The following SAMMSON variants were observed in gnomAD, a reference collection of about 807,000 sequenced individuals.
SAMMSON encodes survival associated mitochondrial melanoma specific oncogenic non-coding RNA.
intron 3 of SAMMSON, among the ~76,000 whole-genome samples, chr3:70,053,644 A>T (rs866525752): frequency 6.6e-6 from 1 of 152,114 alleles, no homozygotes; most frequent in South Asian, 2.1e-4. Context: ...GGATGCATAT[A>T]TATTTTGAGG....
intron 3 of SAMMSON, among the ~76,000 whole-genome samples, chr3:70,022,731 C>A (rs143293562): frequency 6.6e-6 from 1 of 152,164 alleles, no homozygotes; most frequent in East Asian, 1.9e-4. Flanking sequence ...TTCACTGATT[C>A]TCATCAAGTT....
intron 4 of SAMMSON, among the ~76,000 whole-genome samples, chr3:70,212,908 C>T (rs1315688179): frequency 6.6e-6 from 1 of 152,088 alleles, no homozygotes; most frequent in African/African-American, 2.4e-5. Context: ...ATCCTCCCAT[C>T]TCAGTCTCCT....
intron 2 of SAMMSON, among the ~76,000 whole-genome samples, chr3:70,408,075 T>C (rs577533675): frequency 6.6e-6 from 1 of 152,334 alleles, no homozygotes; most frequent in South Asian, 2.1e-4. Flanking sequence ...AGCTCTAGGT[T>C]GGTCTCTTTC....
Position 70,427,490 on chromosome 3 carries a change from A to G in SAMMSON, n.234-35070A>G, listed in dbSNP as rs368056083. On this transcript the variant is annotated intron_variant and non_coding_transcript_variant, in intron 2 of 3. Transcript: ENST00000641053. ...CGCGGTGGCTCACGCCTGTAATCCCAGCACTTTGGGAGGCTGAGATGGGCG... is the reference window on the plus strand; with the variant it reads ...CGCGGTGGCTCACGCCTGTAATCCCGGCACTTTGGGAGGCTGAGATGGGCG... Among the ~76,000 whole-genome samples the G allele has an allele frequency of 2.4e-4, 36 of 152,306 alleles. 1 individual carries two copies. The East Asian group carries it at 5.0e-3, about 21-fold the overall frequency.
chr3:70,276,507 A>C (rs1702028052), intron 6 of SAMMSON, among the ~76,000 whole-genome samples: 1 of 152,204 alleles, frequency 6.6e-6, no homozygotes, highest in African/African-American at 2.4e-5. Context: ...ACGAAATTTT[A>C]AGAATTATGA....
At chr3:70,353,157 C>G (rs1159833483) in intron 7 of SAMMSON, among the ~76,000 whole-genome samples, 2 of 151,890 alleles carry the variant, frequency 1.3e-5, no homozygotes, top group Non-Finnish European at 2.9e-5. Context: ...GATTTACCAT[C>G]AAAATCATGA....
intron 7 of SAMMSON, among the ~76,000 whole-genome samples, chr3:70,345,161 C>G (rs1203336774): frequency 1.3e-5 from 2 of 152,054 alleles, no homozygotes; most frequent in Non-Finnish European, 2.9e-5. Context: ...TAATTTTCTC[C>G]CCTTGCTTAT....
At chr3:70,025,706 A>G (rs1390328871) in intron 3 of SAMMSON, among the ~76,000 whole-genome samples, 1 of 152,208 alleles carries the variant, frequency 6.6e-6, no homozygotes, top group South Asian at 2.1e-4. Context: ...TTGACTCACT[A>G]CAAACTTAAC....
intron 4 of SAMMSON, among the ~76,000 whole-genome samples, chr3:70,086,004 T>C (rs772496960): frequency 1.3e-5 from 2 of 152,256 alleles, no homozygotes; most frequent in Non-Finnish European, 2.9e-5. Context: ...TAGTTGGCTA[T>C]GGGTTTCTTA....
At chr3:70,125,012 A>C (rs1166410402) in intron 4 of SAMMSON, 2 of 683,428 alleles carry the variant, frequency 2.9e-6, no homozygotes, top group Admixed American at 4.8e-5. Flanking sequence ...CTTCCTGTCC[A>C]AGTTGGAAAG....
At chr3:70,025,723 A>G (rs2067034897) in intron 3 of SAMMSON, among the ~76,000 whole-genome samples, 1 of 152,192 alleles carries the variant, frequency 6.6e-6, no homozygotes, top group Non-Finnish European at 1.5e-5. Flanking sequence ...TAACTACAAT[A>G]GCCTTCTGCT....
At chr3:70,130,455 A>G (rs1429862347) in intron 4 of SAMMSON, among the ~76,000 whole-genome samples, 1 of 152,194 alleles carries the variant, frequency 6.6e-6, no homozygotes, top group Non-Finnish European at 1.5e-5. Flanking sequence ...TATACATCCC[A>G]TGCTGTATGC....
At chr3:70,198,030 T>C (rs1701198179) in intron 4 of SAMMSON, among the ~76,000 whole-genome samples, 1 of 152,190 alleles carries the variant, frequency 6.6e-6, no homozygotes. Context: ...AGTTAGAAGA[T>C]GTAGCAGTTC....
chr3:70,144,822 C>T (rs13322990), intron 4 of SAMMSON, among the ~76,000 whole-genome samples: 34,892 of 152,096 alleles, frequency 0.23, 4,429 homozygotes, highest in East Asian at 0.5. Context: ...GTGACTTGCT[C>T]CTCCTTGCCT....
chr3:70,004,853 A>G (rs2066919959), intron 1 of SAMMSON, among the ~76,000 whole-genome samples: 1 of 151,804 alleles, frequency 6.6e-6, no homozygotes, highest in African/African-American at 2.4e-5. Context: ...AAAACAATAC[A>G]TAGAGTTCAT....
intron 7 of SAMMSON, among the ~76,000 whole-genome samples, chr3:70,299,832 G>T (rs908593704): frequency 3.3e-5 from 5 of 151,892 alleles, no homozygotes; most frequent in African/African-American, 1.2e-4. Flanking sequence ...ATATTTTATG[G>T]CTTCCCTTTG....
At chr3:70,243,706 G>C (rs1701681205) in intron 4 of SAMMSON, among the ~76,000 whole-genome samples, 1 of 152,058 alleles carries the variant, frequency 6.6e-6, no homozygotes, top group African/African-American at 2.4e-5. Flanking sequence ...CGTCCCCTGG[G>C]GAGTGAAATC....
At chr3:70,197,104 G>C (rs1336998682) in intron 4 of SAMMSON, 2 of 398,558 alleles carry the variant, frequency 5.0e-6, no homozygotes, top group East Asian at 7.1e-5. Flanking sequence ...GGTACACACC[G>C]TTTCGCAGGT....
At chr3:70,331,701 G>C (rs551686424) in intron 7 of SAMMSON, among the ~76,000 whole-genome samples, 1 of 152,180 alleles carries the variant, frequency 6.6e-6, no homozygotes, top group African/African-American at 2.4e-5. Context: ...AAGCACAGCT[G>C]TTTTTGTTTC....
Sources: allele counts gnomAD v4.1 joint callset (sites outside exome capture counted in the v4.1 genomes callset), GRCh38; gene constraint gnomAD v4.1.1; transcripts MANE v1.5; gene names NCBI Gene and HGNC (gene_info 2026-07-23, HGNC 2026-07-21).